Variants in TECPR2 observed in about 807,000 individuals in gnomAD.
TECPR2 encodes the protein tectonin beta-propeller repeat containing 2.
A neutral mutation model predicts 138.1 loss-of-function variants in TECPR2; 65 were observed. The observed-to-expected ratio is 0.47, with a 90% CI of 0.39 to 0.58. The LOEUF is 0.58. Among genes scored for constraint, TECPR2 ranks in the 20% least tolerant of loss-of-function variants. TECPR2 has a pLI of 0.00. For synonymous variants in TECPR2, 746 were observed against 749.8 expected (o/e 0.99, Z 0.08); for missense variants, 1,553 against 1,824.5 (o/e 0.85, Z 2.71).
chr14:102,411,348 A>G (rs1261219622), intron 4 of TECPR2, among the ~76,000 whole-genome samples: 7 of 152,246 alleles, frequency 4.6e-5, no homozygotes, highest in Non-Finnish European at 7.3e-5. Flanking sequence ...ACGTACGTAT[A>G]CGCCCAGATG....
intron 9 of TECPR2, 116 bp from the exon 10 acceptor site, chr14:102,437,906 C>G (rs1889713428): frequency 8.1e-7 from 1 of 1,232,004 alleles, no homozygotes; most frequent in African/African-American, 1.5e-5. Context: ...TGGCGTCTTG[C>G]TGACCCGTTT....
At chr14:102,416,753 G>A (rs1889035056) in intron 5 of TECPR2, among the ~76,000 whole-genome samples, 1 of 152,150 alleles carries the variant, frequency 6.6e-6, no homozygotes. Context: ...GGAGGCCAAG[G>A]TGGGCGGGTC....
chr14:102,483,798 T>C lies in TECPR2; in HGVS notation c.3790-13181T>C, dbSNP rs1221202732. Among the ~76,000 whole-genome samples the C allele has an allele frequency of 1.0e-3, 152 of 146,234 alleles. 2 individuals are homozygous for C. Among genetic ancestry groups the C allele is most frequent in the African/African-American group, 3.7e-3 (146 of 39,548 alleles). ...AGGCCTCCTTTTCCTTTTCTTTTTT[T>C]TTTTTTTTTTTTTTGAGTTGGTGTT... is the stretch of plus-strand genomic sequence containing the variant. On this transcript the variant is annotated intron_variant, in intron 17 of 19. Coordinates refer to ENST00000359520, the MANE Select transcript of TECPR2 (RefSeq NM_014844.5).
At chr14:102,458,063 G>A (rs8008862) in intron 16 of TECPR2, among the ~76,000 whole-genome samples, 6,333 of 151,776 alleles carry the variant, frequency 0.042, 157 homozygotes, top group Middle Eastern at 0.092. Context: ...TAGTAGAGAC[G>A]GTGTTTCACT....
At chr14:102,393,713 T>C (rs1257462014) in intron 2 of TECPR2, among the ~76,000 whole-genome samples, 2 of 152,062 alleles carry the variant, frequency 1.3e-5, no homozygotes, top group Non-Finnish European at 2.9e-5. Context: ...TGCGCACCAC[T>C]ACCACCTGGC....
At chr14:102,436,844 A>G (rs533528966) in intron 9 of TECPR2, among the ~76,000 whole-genome samples, 1 of 152,342 alleles carries the variant, frequency 6.6e-6, no homozygotes, top group African/African-American at 2.4e-5. Context: ...AGCAAAGTAC[A>G]GGGCTGCAGG....
chr14:102,482,568 A>G (rs1595146877), intron 17 of TECPR2, among the ~76,000 whole-genome samples: 1 of 151,912 alleles, frequency 6.6e-6, no homozygotes, highest in Non-Finnish European at 1.5e-5. Flanking sequence ...CTCATGTTAG[A>G]GCCCCTTTCT....
chr14:102,414,690 G>A lies in TECPR2; in HGVS notation c.535G>A (p.Asp179Asn). ...LEEPSSIVQLDYSQKVLLVST... is the reference protein window; with the variant it reads ...LEEPSSIVQLNYSQKVLLVST... ...GGAGCCATCTTCCATTGTGCAGCTG[G>A]ATTATAGCCAGAAAGTGCTGCTGGT... Residue 179 changes from aspartate to asparagine, a missense_variant, in exon 5 of 20, where the codon GAT becomes AAT. Asp to Asn is a conservative substitution (Grantham distance 23). Coordinates refer to ENST00000359520, the MANE Select transcript of TECPR2 (RefSeq NM_014844.5). 1 of 1,614,202 alleles carries A rather than the reference G, an allele frequency of 6.2e-7. No individual in the cohort carries two copies. The highest frequency in any genetic ancestry group is 8.5e-7 in the Non-Finnish European group (1 of 1,180,042).
At chr14:102,481,299 C>T (rs1284056290) in intron 17 of TECPR2, among the ~76,000 whole-genome samples, 1 of 151,942 alleles carries the variant, frequency 6.6e-6, no homozygotes, top group Non-Finnish European at 1.5e-5. Context: ...CCACTGTGCC[C>T]AGCCACACCC....
intron 1 of TECPR2, among the ~76,000 whole-genome samples, chr14:102,370,462 G>C (rs75030211): frequency 0.04 from 6,065 of 152,272 alleles, 137 homozygotes; most frequent in Middle Eastern, 0.088. Flanking sequence ...GAGATCTCAT[G>C]AGCTAAAGCA....
At chr14:102,370,370 C>T (rs925471738) in intron 1 of TECPR2, among the ~76,000 whole-genome samples, 6 of 152,132 alleles carry the variant, frequency 3.9e-5, no homozygotes, top group Admixed American at 6.5e-5. Flanking sequence ...CACACCCGGC[C>T]GGTAATAAGA....
At chr14:102,437,922 TC>T in intron 9 of TECPR2, 99 bp from the exon 10 acceptor site, 1 of 1,372,358 alleles carries the variant, frequency 7.3e-7, no homozygotes, top group East Asian at 2.4e-5. Context: ...CGTTTTACCG[TC>T]TCGTGTTAAT....
At position 102,434,693 on chromosome 14, in the gene TECPR2, G is replaced by A. The variant is rs755124533; in HGVS notation, c.1876G>A (p.Asp626Asn). 6.2e-7 allele frequency: 1 copy of A among 1,613,454 alleles called. No homozygotes were observed. The highest frequency in any genetic ancestry group is 1.3e-5 in the African/African-American group (1 of 75,064). The stretch of plus-strand genomic sequence containing the variant: ...ACAGGACAGCTCTCCTGGGGCGCAT[G>A]ATGGGGAAGACATCCAACCCATTGG... ...QEQDSSPGAH[D>N]GEDIQPIGPQ... The change falls in exon 9 of 20, where the codon GAT becomes AAT. Residue 626 changes from aspartate to asparagine, a missense_variant. Physicochemically the swap from Asp to Asn is conservative, Grantham distance 23 (BLOSUM62 1). Coordinates refer to ENST00000359520, the MANE Select transcript of TECPR2 (RefSeq NM_014844.5).
At chr14:102,432,292 G>A (rs1009415418) in intron 8 of TECPR2, among the ~76,000 whole-genome samples, 164 bp downstream of exon 8, 6 of 129,360 alleles carry the variant, frequency 4.6e-5, no homozygotes, top group Admixed American at 3.1e-4. Context: ...TCACATTAAC[G>A]GAAAATACAC....
chr14:102,363,650 A>T (rs1471802914), intron 1 of TECPR2, among the ~76,000 whole-genome samples: 1 of 152,226 alleles, frequency 6.6e-6, no homozygotes, highest in African/African-American at 2.4e-5. Context: ...AATAGGTAGT[A>T]AGTGTTAAAG....
At chr14:102,480,110 A>G (rs964458079) in intron 17 of TECPR2, among the ~76,000 whole-genome samples, 1 of 152,054 alleles carries the variant, frequency 6.6e-6, no homozygotes, top group Non-Finnish European at 1.5e-5. Context: ...TCATATCCAC[A>G]TTAGAGCCAT....
chr14:102,407,168 G>C lies in TECPR2; in HGVS notation c.220-170G>C, dbSNP rs563473949. 5.3e-5 allele frequency among the ~76,000 whole-genome samples: 8 copies of C among 151,918 alleles called. No individual in the cohort carries two copies. In the South Asian group the frequency reaches 1.7e-3, roughly 32 times the overall value. ...ATCCACCACGCCCAGCCCTGTTTTT[G>C]TTTTTGTTTTTTCAACAGATGTAAT... is the stretch of plus-strand genomic sequence containing the variant. On this transcript the variant is annotated intron_variant, in intron 2 of 19. Coordinates refer to ENST00000359520, the MANE Select transcript of TECPR2 (RefSeq NM_014844.5).
intron 1 of TECPR2, among the ~76,000 whole-genome samples, chr14:102,365,149 A>G (rs933289674): frequency 6.6e-6 from 1 of 152,190 alleles, no homozygotes; most frequent in Non-Finnish European, 1.5e-5. Flanking sequence ...CATTCAACAA[A>G]CGTGTATTGA....
intron 2 of TECPR2, among the ~76,000 whole-genome samples, chr14:102,397,361 G>GAA (rs113151092): frequency 6.8e-6 from 1 of 146,408 alleles, no homozygotes; most frequent in Non-Finnish European, 1.5e-5. Flanking sequence ...CTCTTCCAAG[G>GAA]AAAAAAAAAA....
Sources: allele counts gnomAD v4.1 joint callset (sites outside exome capture counted in the v4.1 genomes callset), GRCh38; gene constraint gnomAD v4.1.1; transcripts MANE v1.5; gene names NCBI Gene and HGNC (gene_info 2026-07-23, HGNC 2026-07-21).